Variants in LDLRAD4 observed in about 807,000 individuals in gnomAD.
LDLRAD4 encodes low-density lipoprotein receptor class A domain-containing protein 4.
Under a neutral mutation model 17.0 loss-of-function variants are expected in LDLRAD4, and 5 were observed. The observed-to-expected ratio is 0.29, with a 90% CI of 0.15 to 0.62. LDLRAD4 has a LOEUF of 0.62. Ranked by LOEUF, LDLRAD4 falls within the 20% of genes least tolerant of loss-of-function variation. The probability of loss-of-function intolerance (pLI) is 0.84; values close to 1 mark genes in which losing one functional copy is unlikely to be tolerated. For missense variants in LDLRAD4, 340 were observed against 424.7 expected, an observed-to-expected ratio of 0.80 and a Z score of 1.75; for synonymous variants, 168 against 171.8, an observed-to-expected ratio of 0.98 and a Z score of 0.17.
chr18:13,373,223 C>A (rs752664624), intron 1 of LDLRAD4, among the ~76,000 whole-genome samples: 1 of 151,974 alleles, frequency 6.6e-6, no homozygotes, highest in Non-Finnish European at 1.5e-5. Flanking sequence ...TTCCTTTTCT[C>A]ATCGCAGCAG....
At chr18:13,265,331 A>G (rs966388800) in intron 1 of LDLRAD4, among the ~76,000 whole-genome samples, 1 of 152,252 alleles carries the variant, frequency 6.6e-6, no homozygotes, top group South Asian at 2.1e-4. Flanking sequence ...TTGAAGGTCA[A>G]CGCCAAACTT....
intron 3 of LDLRAD4, among the ~76,000 whole-genome samples, chr18:13,456,501 C>G (rs1190798829): frequency 3.3e-5 from 5 of 152,178 alleles, no homozygotes; most frequent in African/African-American, 1.2e-4. Flanking sequence ...TCCTGTATTG[C>G]CCCTGGATTC....
chr18:13,370,991 G>C (rs1282479328), intron 1 of LDLRAD4, among the ~76,000 whole-genome samples: 3 of 152,230 alleles, frequency 2.0e-5, no homozygotes, highest in African/African-American at 7.2e-5. Context: ...TTATAGGCAT[G>C]AGCCACCACA....
At chr18:13,390,770 G>A (rs938677747) in intron 2 of LDLRAD4, among the ~76,000 whole-genome samples, 4 of 152,208 alleles carry the variant, frequency 2.6e-5, no homozygotes, top group Admixed American at 6.5e-5. Flanking sequence ...TGTTGGGTGC[G>A]CCAGCACCTG....
At chr18:13,266,739 G>T (rs894342073) in intron 1 of LDLRAD4, among the ~76,000 whole-genome samples, 1 of 152,260 alleles carries the variant, frequency 6.6e-6, no homozygotes, top group African/African-American at 2.4e-5. Context: ...GGCCAGACCC[G>T]TGGGCAGATC....
intron 1 of LDLRAD4, among the ~76,000 whole-genome samples, chr18:13,270,605 G>T (rs888635926): frequency 6.6e-6 from 1 of 152,162 alleles, no homozygotes; most frequent in African/African-American, 2.4e-5. Context: ...AAGTTTATGC[G>T]TAGATGATAC....
At chr18:13,289,058 G>T (rs1030769460) in intron 1 of LDLRAD4, among the ~76,000 whole-genome samples, 16 of 152,208 alleles carry the variant, frequency 1.1e-4, no homozygotes, top group Non-Finnish European at 2.4e-4. Flanking sequence ...CACCAGTCAG[G>T]CCTCATAAGG....
rs1198511488 is a variant in LDLRAD4, at chr18:13,621,048, G to A, written c.182-69G>A. 6.2e-7 allele frequency: 1 copy of A among 1,609,514 alleles called. No homozygotes were observed. Among genetic ancestry groups the A allele is most frequent in the South Asian group, 1.1e-5 (1 of 90,744 alleles). On this transcript the variant is annotated intron_variant, in intron 3 of 5. Transcript: ENST00000359446. The surrounding 1 kb of genome is among the most constrained non-coding windows in gnomAD (Gnocchi z 5.5). ...TTCAGGGCCTGATGGCTGGGGTGGT[G>A]ACAGTGCCTGGAGAATGGGTGGGGA...
At chr18:13,331,782 T>A (rs2081879058) in intron 1 of LDLRAD4, among the ~76,000 whole-genome samples, 1 of 152,378 alleles carries the variant, frequency 6.6e-6, no homozygotes, top group Admixed American at 6.5e-5. Context: ...AATATCAGTG[T>A]CATTTGTACT....
chr18:13,302,477 G>T (rs1047602944), intron 1 of LDLRAD4, among the ~76,000 whole-genome samples: 2 of 152,194 alleles, frequency 1.3e-5, no homozygotes, highest in Non-Finnish European at 2.9e-5. Context: ...ACTTGAGGGG[G>T]ACAGATTTGG....
intron 1 of LDLRAD4, among the ~76,000 whole-genome samples, chr18:13,318,906 A>C (rs954992770): frequency 6.6e-6 from 1 of 152,208 alleles, no homozygotes; most frequent in East Asian, 1.9e-4. Flanking sequence ...CACGGACCGC[A>C]GTCCCCTTCC....
chr18:13,628,921 T>C (rs1831019619), intron 4 of LDLRAD4, among the ~76,000 whole-genome samples: 1 of 152,218 alleles, frequency 6.6e-6, no homozygotes, highest in Non-Finnish European at 1.5e-5. Context: ...GCCTCGAACA[T>C]TTAGGCTCAA....
At chr18:13,450,426 G>A (rs1015392393) in intron 3 of LDLRAD4, among the ~76,000 whole-genome samples, 1 of 151,960 alleles carries the variant, frequency 6.6e-6, no homozygotes, top group African/African-American at 2.4e-5. Context: ...TGGACAGGGG[G>A]CTGGAGGGTG....
chr18:13,619,814 TC>T (rs1169933703), intron 3 of LDLRAD4, among the ~76,000 whole-genome samples: 1 of 152,076 alleles, frequency 6.6e-6, no homozygotes, highest in Non-Finnish European at 1.5e-5. Flanking sequence ...GCCTGGCCTC[TC>T]CCTGCCTGCG....
At chr18:13,579,185 A>C (rs1002175378) in intron 3 of LDLRAD4, among the ~76,000 whole-genome samples, 1 of 152,014 alleles carries the variant, frequency 6.6e-6, no homozygotes, top group Non-Finnish European at 1.5e-5. Context: ...GCAAGACTCC[A>C]TCTCAAAAAA....
intron 1 of LDLRAD4, among the ~76,000 whole-genome samples, chr18:13,329,087 G>T (rs4239311): frequency 6.6e-6 from 1 of 152,240 alleles, no homozygotes; most frequent in Non-Finnish European, 1.5e-5. Flanking sequence ...GTGTTGTATA[G>T]ATAGATGTTT....
intron 1 of LDLRAD4, among the ~76,000 whole-genome samples, chr18:13,359,209 C>A (rs1022989835): frequency 2.0e-5 from 3 of 152,190 alleles, no homozygotes; most frequent in Admixed American, 1.3e-4. Flanking sequence ...GCAGGGACTC[C>A]AGGGAGCCAA....
intron 1 of LDLRAD4, among the ~76,000 whole-genome samples, chr18:13,222,176 TACA>T (rs2041492130): frequency 6.6e-6 from 1 of 152,168 alleles, no homozygotes; most frequent in Admixed American, 6.5e-5. Flanking sequence ...AACCGTCTCC[TACA>T]ACGTCACTCC....
chr18:13,491,614 G>A (rs2093359924), intron 3 of LDLRAD4: 1 of 152,192 alleles, frequency 6.6e-6, no homozygotes, highest in South Asian at 2.1e-4. Context: ...AAGCTATATT[G>A]AAGATGCTAA....
Sources: allele counts gnomAD v4.1 joint callset (sites outside exome capture counted in the v4.1 genomes callset), GRCh38; gene constraint gnomAD v4.1.1; non-coding constraint Gnocchi (gnomAD v3.1); transcripts MANE v1.5; gene names NCBI Gene and HGNC (gene_info 2026-07-23, HGNC 2026-07-21).